The following EXT2 variants were observed in gnomAD, a reference collection of about 807,000 sequenced individuals.
The protein encoded by EXT2 is exostosin-2.
EXT2 carries 53 observed loss-of-function variants against 81.6 expected under a neutral mutation model. The observed-to-expected ratio is 0.65, with a 90% CI of 0.52 to 0.82. The LOEUF (loss-of-function observed/expected upper bound fraction) is 0.82, where lower values mean the gene tolerates loss of function less well. Ranked by LOEUF, EXT2 falls within the 40% of genes least tolerant of loss-of-function variation. The probability of loss-of-function intolerance (pLI) is 0.00; values close to 1 mark genes in which losing one functional copy is unlikely to be tolerated. For synonymous variants in EXT2, 320 were observed against 340.0 expected (o/e 0.94, Z 0.65); for missense variants, 774 against 910.2 (o/e 0.85, Z 1.93).
intron 1 of EXT2, 89 bp from the exon 2 acceptor site, chr11:44,107,594 A>G: frequency 7.6e-7 from 1 of 1,311,302 alleles, no homozygotes; most frequent in South Asian, 1.5e-5. Flanking sequence ...AAAACAAAAC[A>G]AAACAAAAAA....
At chr11:44,096,849 G>C (rs1953905733) in intron 1 of EXT2, among the ~76,000 whole-genome samples, 1 of 152,204 alleles carries the variant, frequency 6.6e-6, no homozygotes, top group Non-Finnish European at 1.5e-5. Context: ...ATTCTTGTAA[G>C]TCTTAACTTC....
chr11:44,249,691 A>G lies in EXT2; in HGVS notation c.*5404A>G, dbSNP rs1424826332. On this transcript the variant is annotated 3_prime_UTR_variant, in exon 14 of 14. Coordinates refer to ENST00000533608, the MANE Select transcript of EXT2 (RefSeq NM_207122.2). The stretch of plus-strand genomic sequence containing the variant: ...GGTTTTCTGGTGAGCACAGCTGAAG[A>G]CCAACCAACTAGTTACTGATCCAGA... Among the ~76,000 whole-genome samples the G allele has an allele frequency of 1.3e-5, 2 of 152,216 alleles. No individual in the cohort carries two copies. The highest frequency in any genetic ancestry group is 2.4e-5 in the African/African-American group (1 of 41,454).
intron 7 of EXT2, among the ~76,000 whole-genome samples, chr11:44,139,409 T>C (rs1224793861): frequency 6.6e-6 from 1 of 152,132 alleles, no homozygotes; most frequent in Admixed American, 6.5e-5. Context: ...GCTGAGGAGC[T>C]ACAGTCTAGT....
At chr11:44,188,235 C>G (rs1240558974) in intron 8 of EXT2, among the ~76,000 whole-genome samples, 1 of 152,144 alleles carries the variant, frequency 6.6e-6, no homozygotes, top group East Asian at 1.9e-4. Flanking sequence ...GCCATGGAGA[C>G]TTTTGTAGAC....
chr11:44,231,756 A>G (rs1955901489), intron 10 of EXT2, among the ~76,000 whole-genome samples: 1 of 152,184 alleles, frequency 6.6e-6, no homozygotes, highest in Non-Finnish European at 1.5e-5. Flanking sequence ...AGTATACCCA[A>G]TTCTGCTTAA....
At chr11:44,236,161 G>A in intron 12 of EXT2, 132 bp from the exon 13 acceptor site, 2 of 731,536 alleles carry the variant, frequency 2.7e-6, no homozygotes, top group Non-Finnish European at 4.8e-6. Context: ...ATGGCGAGGT[G>A]TGTGTGTGTG....
At chr11:44,121,862 C>T (rs1347886007) in intron 4 of EXT2, among the ~76,000 whole-genome samples, 1 of 152,132 alleles carries the variant, frequency 6.6e-6, no homozygotes, top group Non-Finnish European at 1.5e-5. Flanking sequence ...CAGAAGCCTT[C>T]CTTTCACTTC....
At chr11:44,239,642 C>T (rs551297851) in intron 13 of EXT2, among the ~76,000 whole-genome samples, 58 of 148,250 alleles carry the variant, frequency 3.9e-4, no homozygotes, top group African/African-American at 1.3e-3. Flanking sequence ...CCGCCCACCT[C>T]GGCCTCCCAA....
At chr11:44,222,482 G>A (rs1345631846) in intron 10 of EXT2, among the ~76,000 whole-genome samples, 1 of 152,250 alleles carries the variant, frequency 6.6e-6, no homozygotes, top group Middle Eastern at 3.4e-3. Flanking sequence ...AATTGTAAGG[G>A]GTTGTTCAAA....
At chr11:44,155,753 A>G (rs1419204090) in intron 7 of EXT2, among the ~76,000 whole-genome samples, 1 of 152,132 alleles carries the variant, frequency 6.6e-6, no homozygotes, top group African/African-American at 2.4e-5. Flanking sequence ...CTTTCTACCC[A>G]AGATATGAAT....
Position 44,171,967 on chromosome 11 carries a change from G to A in EXT2, c.1305+225G>A. The stretch of plus-strand genomic sequence containing the variant: ...CCAGTGTGTTTTAAGTGCTTAGAAA[G>A]ACTGTCTATTTATTGCAGAGATAAG... On this transcript the variant is annotated intron_variant, in intron 8 of 13. Coordinates refer to ENST00000533608, the MANE Select transcript of EXT2 (RefSeq NM_207122.2). 3 of 594,790 alleles carry A rather than the reference G, an allele frequency of 5.0e-6. No individual in the cohort carries two copies. The South Asian group carries it at 5.8e-5, about 12-fold the overall frequency. The allele number at this position is 594,790 out of a possible 1,614,324, so 36.8% of individuals were successfully genotyped here. A position where few individuals can be genotyped will look rare whatever the true frequency, so the allele number is the denominator to read the frequency against.
Position 44,197,810 on chromosome 11 carries a change from T to C in EXT2, c.1306-19T>C. Reference sequence around the variant, plus strand: ...GTTACAGCTGCTTTTCTGACCCGTGTTAATCTGTCCTCTTGTAGAAGTGGG... The same window carrying C: ...GTTACAGCTGCTTTTCTGACCCGTGCTAATCTGTCCTCTTGTAGAAGTGGG... On this transcript the variant is annotated intron_variant, in intron 8 of 13. Transcript: ENST00000533608. 1 of 1,613,620 alleles carries C rather than the reference T, an allele frequency of 6.2e-7. No homozygotes were observed. The highest frequency in any genetic ancestry group is 8.5e-7 in the Non-Finnish European group (1 of 1,179,814).
chr11:44,179,990 C>T (rs903783567), intron 8 of EXT2, among the ~76,000 whole-genome samples: 1 of 152,170 alleles, frequency 6.6e-6, no homozygotes, highest in African/African-American at 2.4e-5. Context: ...ATTGCTTCAA[C>T]CAGAGGTTGA....
intron 7 of EXT2, among the ~76,000 whole-genome samples, chr11:44,169,058 A>G (rs1390153104): frequency 6.6e-6 from 1 of 151,996 alleles, no homozygotes; most frequent in Non-Finnish European, 1.5e-5. Flanking sequence ...CATCTCTACT[A>G]AAAATACAAA....
intron 3 of EXT2, among the ~76,000 whole-genome samples, 174 bp from the exon 4 acceptor site, chr11:44,114,011 C>T (rs993529842): frequency 6.6e-6 from 1 of 151,968 alleles, no homozygotes; most frequent in Non-Finnish European, 1.5e-5. Flanking sequence ...AAGGATAGAA[C>T]GCAGCTGATG....
At chr11:44,136,030 G>A (rs1954561184) in intron 7 of EXT2, among the ~76,000 whole-genome samples, 2 of 152,124 alleles carry the variant, frequency 1.3e-5, no homozygotes, top group South Asian at 4.2e-4. Flanking sequence ...TAAGATATTG[G>A]ATCTTGTGTA....
intron 4 of EXT2, chr11:44,116,854 A>C (rs1481896592): frequency 6.6e-6 from 1 of 152,118 alleles, no homozygotes; most frequent in South Asian, 2.1e-4. Flanking sequence ...TTAAAATTGA[A>C]TTGTCCTTTT....
intron 8 of EXT2, among the ~76,000 whole-genome samples, chr11:44,182,697 G>A (rs1439289126): frequency 6.6e-6 from 1 of 151,982 alleles, no homozygotes; most frequent in Non-Finnish European, 1.5e-5. Context: ...TTTGGAAGTT[G>A]CAGATATAAT....
intron 8 of EXT2, among the ~76,000 whole-genome samples, chr11:44,192,033 A>AT (rs1313540831): frequency 3.3e-5 from 5 of 152,228 alleles, no homozygotes; most frequent in South Asian, 2.1e-4. Flanking sequence ...TAACTTAAAA[A>AT]ATATATATTA....
Sources: allele counts gnomAD v4.1 joint callset (sites outside exome capture counted in the v4.1 genomes callset), GRCh38; gene constraint gnomAD v4.1.1; transcripts MANE v1.5; gene names NCBI Gene and HGNC (gene_info 2026-07-23, HGNC 2026-07-21).